The following SSBP2 variants were observed in gnomAD, a reference collection of about 807,000 sequenced individuals.
The protein encoded by SSBP2 is single-stranded DNA-binding protein 2.
A neutral mutation model predicts 61.8 loss-of-function variants in SSBP2; 17 were observed. That is an observed-to-expected ratio of 0.28 (90% CI 0.19 to 0.41). The LOEUF (loss-of-function observed/expected upper bound fraction) is 0.41, where lower values mean the gene tolerates loss of function less well. Ranked by LOEUF, SSBP2 falls within the 10% of genes least tolerant of loss-of-function variation. The pLI is 1.00. For synonymous variants in SSBP2, 139 were observed against 141.3 expected (o/e 0.98, Z 0.12); for missense variants, 310 against 458.7 (o/e 0.68, Z 2.96).
intron 3 of SSBP2, among the ~76,000 whole-genome samples, chr5:81,631,651 G>T (rs992630210): frequency 1.3e-5 from 2 of 152,054 alleles, no homozygotes; most frequent in Non-Finnish European, 2.9e-5. Context: ...CGCCTACTCA[G>T]TTCTTTCTCT....
intron 1 of SSBP2, among the ~76,000 whole-genome samples, chr5:81,732,837 C>A (rs1436577818): frequency 5.3e-5 from 8 of 152,176 alleles, no homozygotes; most frequent in Admixed American, 5.2e-4. Flanking sequence ...ACCACCACCC[C>A]CCGCCTTCTA....
chr5:81,647,828 T>C lies in SSBP2; in HGVS notation c.135+2439A>G, dbSNP rs192550289. On this transcript the variant is annotated intron_variant, in intron 2 of 16. Transcript: ENST00000320672. ...ACCAAACAGTCCTAGAAATTCTGTA[T>C]ATACATTTTCCACTGAGCTCAAAGC... 3.3e-3 allele frequency among the ~76,000 whole-genome samples: 503 copies of C among 152,258 alleles called. 3 individuals are homozygous for C. The highest frequency in any genetic ancestry group is 0.012 in the African/African-American group (481 of 41,570).
intron 1 of SSBP2, among the ~76,000 whole-genome samples, chr5:81,654,604 TATA>T (rs1750046665): frequency 6.6e-6 from 1 of 152,334 alleles, no homozygotes; most frequent in South Asian, 2.1e-4. Context: ...GAGCAGGAGC[TATA>T]ATATTTGCTG....
chr5:81,450,977 A>T (rs1273775232), intron 10 of SSBP2, among the ~76,000 whole-genome samples: 1 of 152,190 alleles, frequency 6.6e-6, no homozygotes, highest in Non-Finnish European at 1.5e-5. Context: ...ATCTGGAAGC[A>T]TTTTTGGCTC....
intron 4 of SSBP2, among the ~76,000 whole-genome samples, chr5:81,561,684 G>C (rs1773051939): frequency 6.6e-6 from 1 of 151,854 alleles, no homozygotes; most frequent in African/African-American, 2.4e-5. Flanking sequence ...ATCTTGAGTT[G>C]TGGCAATGAA....
chr5:81,592,621 C>T (rs975693261), intron 4 of SSBP2, among the ~76,000 whole-genome samples: 2 of 152,170 alleles, frequency 1.3e-5, no homozygotes, highest in Admixed American at 6.5e-5. Context: ...CTTACACAGC[C>T]GGATACTCCT....
intron 1 of SSBP2, among the ~76,000 whole-genome samples, chr5:81,716,678 T>C (rs899190701): frequency 4.6e-5 from 7 of 152,214 alleles, no homozygotes; most frequent in African/African-American, 1.7e-4. Flanking sequence ...TAATACTCCA[T>C]TTTATCCTCC....
chr5:81,482,146 G>A (rs1236781267), intron 6 of SSBP2, among the ~76,000 whole-genome samples: 8 of 152,096 alleles, frequency 5.3e-5, no homozygotes, highest in African/African-American at 1.9e-4. Flanking sequence ...GTTTCACCAT[G>A]TTGGCCAGGC....
chr5:81,498,150 A>G (rs1264783149), intron 5 of SSBP2, among the ~76,000 whole-genome samples: 7 of 152,278 alleles, frequency 4.6e-5, no homozygotes, highest in Non-Finnish European at 1.0e-4. Context: ...GAGTAAAAAC[A>G]TAAAACATTC....
intron 2 of SSBP2, 51 bp from the exon 3 acceptor site, chr5:81,636,669 C>A (rs1748266829): frequency 7.4e-7 from 1 of 1,345,204 alleles, no homozygotes; most frequent in South Asian, 1.3e-5. Flanking sequence ...TTTTTCCACA[C>A]ATATTACAAA....
intron 1 of SSBP2, among the ~76,000 whole-genome samples, chr5:81,715,628 G>A (rs1368136168): frequency 2.0e-5 from 3 of 152,076 alleles, no homozygotes; most frequent in Non-Finnish European, 2.9e-5. Context: ...AGTAACCATA[G>A]AATACTACTA....
chr5:81,686,269 G>A (rs1012148370), intron 1 of SSBP2, among the ~76,000 whole-genome samples: 12 of 152,130 alleles, frequency 7.9e-5, no homozygotes, highest in African/African-American at 1.2e-4. Context: ...TACAGTGATC[G>A]CAAGTGAAGA....
chr5:81,521,862 T>C (rs1038207752), intron 4 of SSBP2, among the ~76,000 whole-genome samples: 1 of 152,002 alleles, frequency 6.6e-6, no homozygotes, highest in Non-Finnish European at 1.5e-5. Flanking sequence ...AACAACTAGA[T>C]AAACAGTTGC....
chr5:81,751,100 C>T (rs531089199), upstream of SSBP2: 2 of 1,532,006 alleles, frequency 1.3e-6, no homozygotes, highest in Admixed American at 1.9e-5. Flanking sequence ...ACAGCCTCCC[C>T]GGGAACAGCC....
intron 4 of SSBP2, among the ~76,000 whole-genome samples, chr5:81,544,848 T>C (rs958151846): frequency 1.3e-5 from 2 of 152,202 alleles, no homozygotes; most frequent in Non-Finnish European, 2.9e-5. Context: ...GGCAAATATG[T>C]ACAAAGTGGG....
intron 5 of SSBP2, among the ~76,000 whole-genome samples, chr5:81,501,638 C>A (rs1158042238): frequency 1.4e-5 from 2 of 147,790 alleles, no homozygotes; most frequent in Non-Finnish European, 3.0e-5. Context: ...TCTGGGCTCA[C>A]TGCAAGCTCC....
intron 1 of SSBP2, among the ~76,000 whole-genome samples, chr5:81,667,838 T>C (rs1379277284): frequency 6.6e-6 from 1 of 152,202 alleles, no homozygotes; most frequent in East Asian, 1.9e-4. Context: ...ATTTTTATTC[T>C]GTGACACAAT....
intron 1 of SSBP2, among the ~76,000 whole-genome samples, chr5:81,651,348 GTATTTTCCT>G (rs1240125675): frequency 6.6e-6 from 1 of 152,122 alleles, no homozygotes; most frequent in Non-Finnish European, 1.5e-5. Flanking sequence ...ACAAAAATGA[GTATTTTCCT>G]TATTTTCATG....
intron 12 of SSBP2, among the ~76,000 whole-genome samples, 182 bp downstream of exon 12, chr5:81,446,686 C>G (rs961411074): frequency 6.6e-6 from 1 of 152,196 alleles, no homozygotes; most frequent in Non-Finnish European, 1.5e-5. Flanking sequence ...TAGGAATTTT[C>G]TAAATGCTTA....
Sources: allele counts gnomAD v4.1 joint callset (sites outside exome capture counted in the v4.1 genomes callset), GRCh38; gene constraint gnomAD v4.1.1; transcripts MANE v1.5; gene names NCBI Gene and HGNC (gene_info 2026-07-23, HGNC 2026-07-21).